The following POF1B variants were observed in gnomAD, a reference collection of about 807,000 sequenced individuals.
POF1B encodes the protein POF1B actin binding protein.
POF1B carries 53 observed loss-of-function variants against 55.3 expected under a neutral mutation model. The ratio of observed to expected loss-of-function variants is 0.96; its 90% CI spans 0.77 to 1.20. POF1B has a LOEUF of 1.20. Ranked by LOEUF, POF1B falls within the 50% of genes most tolerant of loss-of-function variation. The pLI is 0.00. For missense variants in POF1B, 478 were observed against 420.5 expected (o/e 1.14, Z -1.20); for synonymous variants, 188 against 148.3 (o/e 1.27, Z -1.95).
chrX:85,293,679 G>A (rs1417325062), intron 15 of POF1B, among the ~76,000 whole-genome samples: 1 of 111,686 alleles, frequency 9.0e-6, no homozygotes, highest in South Asian at 3.7e-4. Context: ...AAAAGTTAAA[G>A]AAGAAAAAAA....
At chrX:85,359,285 G>A (rs975689030) in intron 4 of POF1B, among the ~76,000 whole-genome samples, 5 of 111,110 alleles carry the variant, frequency 4.5e-5, no homozygotes, top group Admixed American at 2.9e-4. Flanking sequence ...TGTAGCATAA[G>A]GGTGGGGCTA....
chrX:85,351,546 A>C, intron 4 of POF1B, 95 bp from the exon 5 acceptor site: 1 of 565,398 alleles, frequency 1.8e-6, no homozygotes, highest in Non-Finnish European at 2.9e-6. Context: ...TAGGCTCTGA[A>C]GTACTGGCTG....
In POF1B at chrX:85,314,423, C is replaced by G. The variant is rs369255910; in HGVS notation, c.957+9G>C. The stretch of plus-strand genomic sequence containing the variant: ...TGATTTCACACATCCACTCTTGACC[C>G]CAACTCACCTGCAGAATGTAGCGTA... On this transcript the variant is annotated intron_variant, in intron 9 of 16. Transcript: ENST00000262753. The G allele has an allele frequency of 1.8e-5, 21 of 1,183,897 alleles. No homozygotes were observed. The African/African-American group carries it at 2.0e-4, about 11-fold the overall frequency.
Position 85,308,186 on chromosome X carries a change from G to A in POF1B, c.988C>T (p.Leu330=). The change falls in exon 10 of 17, where the codon CTA becomes TTA. Residue 330 remains leucine, a synonymous_variant. Coordinates refer to ENST00000262753, the MANE Select transcript of POF1B (RefSeq NM_024921.4). ...ATGTTGCTAAATGTGGACAGCACTA[G>A]TCGGAGTGACTTATCAGACATACCC... The part of the protein sequence containing the change: ...MRGMSDKSLR[L]VLSTFSNIRE... 8.5e-7 allele frequency: 1 copy of A among 1,182,609 alleles called. No individual in the cohort carries two copies. The highest frequency in any genetic ancestry group is 1.1e-6 in the Non-Finnish European group (1 of 877,735).
At chrX:85,291,501 T>C (rs1293994084) in intron 15 of POF1B, among the ~76,000 whole-genome samples, 2 of 112,494 alleles carry the variant, frequency 1.8e-5, no homozygotes, top group African/African-American at 3.2e-5. Flanking sequence ...GGAAATAGCA[T>C]TGAATCTGTA....
chrX:85,327,530 C>G (rs1328742831), intron 7 of POF1B, among the ~76,000 whole-genome samples: 1 of 111,565 alleles, frequency 9.0e-6, no homozygotes, highest in Non-Finnish European at 1.9e-5. Context: ...TACATACGTG[C>G]AATTGTCTGC....
chrX:85,319,754 C>T (rs942159525), intron 7 of POF1B, among the ~76,000 whole-genome samples: 2 of 111,337 alleles, frequency 1.8e-5, no homozygotes, highest in African/African-American at 6.5e-5. Flanking sequence ...TTTCGATGTG[C>T]TGCTTAATTT....
rs750350207 is a variant in POF1B at position 85,278,225 on chromosome X, A to G, written c.*1196T>C. 9.0e-6 allele frequency: 1 copy of G among 110,903 alleles called. No individual in the cohort carries two copies. Among genetic ancestry groups the G allele is most frequent in the African/African-American group, 3.3e-5 (1 of 30,706 alleles). The allele number at this position is 110,903 out of a possible 1,213,427, so 9.1% of individuals were successfully genotyped here. On this transcript the variant is annotated 3_prime_UTR_variant, in exon 17 of 17. Transcript: ENST00000262753. ...TTAATGGTGTCTTAGTATAATGCAT[A>G]ATTATTAGAATATAATTATAAGGCA... is the stretch of plus-strand genomic sequence containing the variant.
chrX:85,295,158 C>T (rs181857202), intron 15 of POF1B, among the ~76,000 whole-genome samples: 14 of 111,565 alleles, frequency 1.3e-4, no homozygotes, highest in African/African-American at 2.3e-4. Context: ...TTTATTCTTT[C>T]GAAGTACCAA....
rs867961567 is a variant in POF1B, at chrX:85,304,365, G to T, written c.1544C>A (p.Ser515Tyr). 1 of 1,190,113 alleles carries T rather than the reference G, an allele frequency of 8.4e-7. No individual in the cohort carries two copies. The change falls in exon 14 of 17, where the codon TCC (serine) becomes TAC (tyrosine). Residue 515 changes from serine to tyrosine, a missense_variant. Coordinates refer to ENST00000262753, the MANE Select transcript of POF1B (RefSeq NM_024921.4). ...ELTSLLEEKD[S>Y]LIKRQSEELS... is the part of the protein sequence containing the mutation. ...TACCTCTGACTGACGCTTTATGAGG[G>T]AATCCTTCTCTTCCAGCAAGCTTGT...
At chrX:85,288,548 C>T (rs1280912688) in intron 15 of POF1B, among the ~76,000 whole-genome samples, 6 of 111,376 alleles carry the variant, frequency 5.4e-5, no homozygotes, top group African/African-American at 2.0e-4. Flanking sequence ...GGTTGAAAGG[C>T]AGTGATATGG....
intron 7 of POF1B, 29 bp downstream of exon 7, chrX:85,330,920 C>A (rs766833361): frequency 1.8e-6 from 2 of 1,132,746 alleles, no homozygotes. Flanking sequence ...GTAGCTACAA[C>A]ATCAAGGCAA....
intron 7 of POF1B, among the ~76,000 whole-genome samples, chrX:85,326,569 G>A (rs1018141713): frequency 1.8e-5 from 2 of 110,618 alleles, no homozygotes; most frequent in African/African-American, 6.6e-5. Flanking sequence ...GGGATTGGGG[G>A]GCGGGATGCA....
chrX:85,355,987 T>C (rs1205658792), intron 4 of POF1B, among the ~76,000 whole-genome samples: 1 of 111,411 alleles, frequency 9.0e-6, no homozygotes, highest in African/African-American at 3.3e-5. Context: ...ATAAATCATG[T>C]TGCTATAAAG....
At chrX:85,292,081 A>G (rs1171446808) in intron 15 of POF1B, among the ~76,000 whole-genome samples, 1 of 111,374 alleles carries the variant, frequency 9.0e-6, no homozygotes, top group Non-Finnish European at 1.9e-5. Context: ...TTTTTCACAC[A>G]TGGCTCTTAT....
intron 3 of POF1B, among the ~76,000 whole-genome samples, chrX:85,362,056 C>T (rs1042815157): frequency 2.8e-5 from 3 of 107,407 alleles, no homozygotes; most frequent in Non-Finnish European, 3.8e-5. Context: ...AATTGTTGTC[C>T]GTGTATAAGA....
intron 15 of POF1B, among the ~76,000 whole-genome samples, chrX:85,293,889 G>A (rs990409009): frequency 9.1e-6 from 1 of 109,614 alleles, no homozygotes; most frequent in Non-Finnish European, 1.9e-5. Context: ...CAGAAGAATC[G>A]CTTGAATGTG....
At chrX:85,332,583 T>C (rs758008568) in intron 6 of POF1B, among the ~76,000 whole-genome samples, 1 of 111,599 alleles carries the variant, frequency 9.0e-6, no homozygotes, top group African/African-American at 3.2e-5. Context: ...GATTTGAATT[T>C]GACTACTGAT....
At chrX:85,287,412 T>C (rs753038214) in intron 15 of POF1B, among the ~76,000 whole-genome samples, 1 of 110,757 alleles carries the variant, frequency 9.0e-6, no homozygotes, top group East Asian at 2.9e-4. Context: ...AGAAGGGATA[T>C]CCCTATAGGT....
Sources: allele counts gnomAD v4.1 joint callset (sites outside exome capture counted in the v4.1 genomes callset), GRCh38; gene constraint gnomAD v4.1.1; transcripts MANE v1.5; gene names NCBI Gene and HGNC (gene_info 2026-07-23, HGNC 2026-07-21).